The following SLC16A7 variants were observed in gnomAD, a reference collection of about 807,000 sequenced individuals.
The protein encoded by SLC16A7 is solute carrier family 16 member 7.
In SLC16A7, 33 loss-of-function variants were observed where a neutral mutation model predicts 34.9. That is an observed-to-expected ratio of 0.94 (90% CI 0.72 to 1.26). SLC16A7 has a LOEUF of 1.26. SLC16A7 is among the 50% of genes most tolerant of loss of function. The pLI is 0.00. For missense variants in SLC16A7, 573 were observed against 578.1 expected, an observed-to-expected ratio of 0.99 and a Z score of 0.09; for synonymous variants, 201 against 206.6, an observed-to-expected ratio of 0.97 and a Z score of 0.23.
chr12:59,701,464 ATG>A (rs142237352), intron 2 of SLC16A7, among the ~76,000 whole-genome samples: 211 of 150,986 alleles, frequency 1.4e-3, no homozygotes, highest in African/African-American at 4.9e-3. Context: ...AATTGTGTAT[ATG>A]TGTGTGTGTG....
Position 59,774,763 on chromosome 12 carries a change from T to TA in SLC16A7, c.468_469insA (p.Phe157IlefsTer14). On this transcript the variant is annotated frameshift_variant, in exon 5 of 6. Coordinates refer to ENST00000547379, the MANE Select transcript of SLC16A7 (RefSeq NM_001270623.2). LOFTEE classifies it high-confidence loss of function. ...GATTGGCCATGGCAGGAAGTCCTGT[T>TA]TTCTTAAGTTCATTGGCTCCTTTCA... is the stretch of plus-strand genomic sequence containing the variant. The TA allele has an allele frequency of 6.2e-7, 1 of 1,613,968 alleles. No individual in the cohort carries two copies. Among genetic ancestry groups the TA allele is most frequent in the Non-Finnish European group, 8.5e-7 (1 of 1,179,934 alleles).
At chr12:59,709,164 C>A (rs530462713) in intron 3 of SLC16A7, among the ~76,000 whole-genome samples, 1 of 151,566 alleles carries the variant, frequency 6.6e-6, no homozygotes, top group Non-Finnish European at 1.5e-5. Context: ...CAGTTACTGG[C>A]GACAGATTTG....
At chr12:59,718,904 T>C (rs1343693347) in intron 3 of SLC16A7, among the ~76,000 whole-genome samples, 2 of 152,164 alleles carry the variant, frequency 1.3e-5, no homozygotes, top group Non-Finnish European at 2.9e-5. Flanking sequence ...AGACACTATC[T>C]AGATTAGATG....
At chr12:59,645,148 A>G (rs1880852292) in intron 1 of SLC16A7, among the ~76,000 whole-genome samples, 1 of 152,224 alleles carries the variant, frequency 6.6e-6, no homozygotes, top group South Asian at 2.1e-4. Flanking sequence ...CTTGCTCAAC[A>G]GAAAGGTGAC....
In SLC16A7 at chr12:59,785,166, T is replaced by C. The variant is rs148893725; in HGVS notation, c.*5487T>C. 3.7e-4 allele frequency: 56 copies of C among 152,322 alleles called. 3 individuals carry two copies. Among genetic ancestry groups the C allele is most frequent in the African/African-American group, 1.3e-3 (53 of 41,566 alleles). The allele number at this position is 152,322 out of a possible 1,614,324, so 9.4% of individuals were successfully genotyped here. The stretch of plus-strand genomic sequence containing the variant: ...CTTGCATGATCAAAATTACAAATTA[T>C]CTTTGTTGATACAATTAAAAATGAG... On this transcript the variant is annotated 3_prime_UTR_variant, in exon 6 of 6. Coordinates refer to ENST00000547379, the MANE Select transcript of SLC16A7 (RefSeq NM_001270623.2).
intron 1 of SLC16A7, among the ~76,000 whole-genome samples, chr12:59,645,073 C>G (rs1880849429): frequency 6.6e-6 from 1 of 152,082 alleles, no homozygotes; most frequent in Admixed American, 6.5e-5. Context: ...TCTCTTATGT[C>G]TTTCTTGTGT....
At chr12:59,763,945 C>T (rs1177061713) in intron 3 of SLC16A7, 2 of 152,118 alleles carry the variant, frequency 1.3e-5, no homozygotes, top group Non-Finnish European at 2.9e-5. Context: ...TATCTCTCCC[C>T]CTCTCCTAGG....
intron 3 of SLC16A7, among the ~76,000 whole-genome samples, chr12:59,725,704 A>G (rs941739536): frequency 6.6e-6 from 1 of 152,094 alleles, no homozygotes. Context: ...TTACTTTTCA[A>G]TATGTTTGAG....
rs1312373332 is a variant in SLC16A7, at chr12:59,782,160, T to G, written c.*2481T>G. ...GTACAGTCACACCTGGCAGTAGCAC[T>G]GCACAGTTACAAATATGCACACACG... On this transcript the variant is annotated 3_prime_UTR_variant, in exon 6 of 6. Transcript: ENST00000547379. 6.6e-6 allele frequency: 1 copy of G among 152,226 alleles called. No homozygotes were observed. Among genetic ancestry groups the G allele is most frequent in the African/African-American group, 2.4e-5 (1 of 41,472 alleles). 9.4% of individuals were successfully genotyped at this position (152,226 alleles called of 1,614,324 possible). A position where few individuals can be genotyped will look rare whatever the true frequency, so the allele number is the denominator to read the frequency against.
At chr12:59,674,289 A>T (rs920032402) in intron 2 of SLC16A7, among the ~76,000 whole-genome samples, 2 of 152,200 alleles carry the variant, frequency 1.3e-5, no homozygotes, top group African/African-American at 4.8e-5. Flanking sequence ...TATATACTCC[A>T]TGAAGGCATA....
chr12:59,713,821 T>G lies in SLC16A7; in HGVS notation c.217+8803T>G, dbSNP rs190409063. On this transcript the variant is annotated intron_variant, in intron 3 of 5. Coordinates refer to ENST00000547379, the MANE Select transcript of SLC16A7 (RefSeq NM_001270623.2). The stretch of plus-strand genomic sequence containing the variant: ...AGAAGAAAACTATACATAATTTCAC[T>G]CATTCATTTATTCCATAGATACACA... 6.4e-3 allele frequency among the ~76,000 whole-genome samples: 981 copies of G among 152,328 alleles called. 7 individuals carry two copies. Among genetic ancestry groups the G allele is most frequent in the Non-Finnish European group, 9.7e-3 (661 of 68,030 alleles).
intron 2 of SLC16A7, among the ~76,000 whole-genome samples, chr12:59,703,902 T>G (rs1216380676): frequency 1.3e-5 from 2 of 152,002 alleles, no homozygotes; most frequent in Non-Finnish European, 2.9e-5. Context: ...ATAATTTTTA[T>G]TTTTTAAAAA....
At chr12:59,733,113 A>G (rs1877148897) in intron 3 of SLC16A7, among the ~76,000 whole-genome samples, 1 of 152,166 alleles carries the variant, frequency 6.6e-6, no homozygotes, top group African/African-American at 2.4e-5. Context: ...CAACAGGAAG[A>G]TTTGGGTTAG....
At chr12:59,753,887 A>G (rs1879927765) in intron 3 of SLC16A7, among the ~76,000 whole-genome samples, 1 of 152,210 alleles carries the variant, frequency 6.6e-6, no homozygotes, top group Admixed American at 6.5e-5. Context: ...GTAAAAGATC[A>G]GAAATTATAA....
At chr12:59,775,609 AG>A (rs1209957860) in intron 5 of SLC16A7, 134 bp downstream of exon 5, 1 of 658,732 alleles carries the variant, frequency 1.5e-6, no homozygotes. Flanking sequence ...GGTTAATTTT[AG>A]GTTTTATTAT....
At chr12:59,735,806 A>G (rs916853507) in intron 3 of SLC16A7, 6 of 226,424 alleles carry the variant, frequency 2.6e-5, no homozygotes, top group African/African-American at 1.4e-4. Flanking sequence ...TTTGCAGAAT[A>G]AGTAATATAT....
At chr12:59,606,573 A>G (rs893544881) in intron 1 of SLC16A7, among the ~76,000 whole-genome samples, 1 of 152,132 alleles carries the variant, frequency 6.6e-6, no homozygotes, top group Non-Finnish European at 1.5e-5. Flanking sequence ...GATAGGGAGA[A>G]TAGGGACTCA....
intron 3 of SLC16A7, among the ~76,000 whole-genome samples, chr12:59,710,247 A>C (rs1320961802): frequency 6.6e-6 from 1 of 152,184 alleles, no homozygotes; most frequent in East Asian, 1.9e-4. Context: ...GGGGTCACTG[A>C]GTAAGACAGA....
chr12:59,780,776 C>T lies in SLC16A7; in HGVS notation c.*1097C>T, dbSNP rs1481588169. On this transcript the variant is annotated 3_prime_UTR_variant, in exon 6 of 6. Transcript: ENST00000547379. ...TTACTGTTATGAATACTCCATCTGA[C>T]TACGACTAAGAGAGTGAGGGGTGGT... 2 of 152,112 alleles carry T rather than the reference C, an allele frequency of 1.3e-5. No individual in the cohort carries two copies. The highest frequency in any genetic ancestry group is 2.9e-5 in the Non-Finnish European group (2 of 68,014). The allele number at this position is 152,112 out of a possible 1,614,324, so 9.4% of individuals were successfully genotyped here.
Sources: allele counts gnomAD v4.1 joint callset (sites outside exome capture counted in the v4.1 genomes callset), GRCh38; gene constraint gnomAD v4.1.1; transcripts MANE v1.5; gene names NCBI Gene and HGNC (gene_info 2026-07-23, HGNC 2026-07-21).